The following NBAS variants were observed in gnomAD, a reference collection of about 807,000 sequenced individuals.
NBAS encodes NAG/BC035112 fusion.
Under a neutral mutation model 302.5 loss-of-function variants are expected in NBAS, and 219 were observed. That is an observed-to-expected ratio of 0.72 (90% confidence interval 0.65 to 0.81). The LOEUF is 0.81. Ranked by LOEUF, NBAS falls within the 30% of genes least tolerant of loss-of-function variation. The pLI is 0.00. For synonymous variants in NBAS, 1,118 were observed against 1,021.6 expected (o/e 1.09, Z -1.80); for missense variants, 2,932 against 2,841.6 (o/e 1.03, Z -0.72).
the NBAS span, among the ~76,000 whole-genome samples, chr2:14,923,849 G>A: frequency 6.6e-6 from 1 of 152,114 alleles, no homozygotes; most frequent in Non-Finnish European, 1.5e-5. Flanking sequence ...CTAATCAGAT[G>A]GGCATTTTTG....
chr2:14,864,130 G>A, the NBAS span, among the ~76,000 whole-genome samples: 7 of 151,824 alleles, frequency 4.6e-5, no homozygotes, highest in African/African-American at 1.2e-4. Flanking sequence ...CAGCCTGGCC[G>A]TCATGGTGAA....
At chr2:15,034,056 A>AGGAGGG in the NBAS span, among the ~76,000 whole-genome samples, 8 of 93,786 alleles carry the variant, frequency 8.5e-5, no homozygotes, top group African/African-American at 3.8e-4. Flanking sequence ...GAGGAGGAGG[A>AGGAGGG]GGAGGAGGGG....
intron 12 of NBAS, among the ~76,000 whole-genome samples, chr2:15,486,882 A>G (rs1680649959): frequency 6.6e-6 from 1 of 152,056 alleles, no homozygotes. Context: ...ATATTCCAAT[A>G]AGGGCCACAA....
the NBAS span, among the ~76,000 whole-genome samples, chr2:14,906,709 T>A: frequency 6.6e-6 from 1 of 152,184 alleles, no homozygotes; most frequent in African/African-American, 2.4e-5. Context: ...GGCCTGGCTC[T>A]CAGGGCTCAG....
intron 9 of NBAS, among the ~76,000 whole-genome samples, chr2:15,514,149 C>G (rs933433554): frequency 1.3e-5 from 2 of 151,916 alleles, no homozygotes; most frequent in African/African-American, 4.8e-5. Flanking sequence ...ATATGCTGTC[C>G]AGGATTTACT....
chr2:15,559,757 T>C (rs947080641), intron 1 of NBAS, among the ~76,000 whole-genome samples: 2 of 152,090 alleles, frequency 1.3e-5, no homozygotes, highest in African/African-American at 4.8e-5. Context: ...AACAAAGTGC[T>C]AAGGGTTTCA....
intron 12 of NBAS, among the ~76,000 whole-genome samples, chr2:15,488,685 T>G (rs1020432402): frequency 6.6e-6 from 1 of 152,062 alleles, no homozygotes; most frequent in Non-Finnish European, 1.5e-5. Flanking sequence ...GTATACAGAG[T>G]GTACCACACT....
intron 26 of NBAS, among the ~76,000 whole-genome samples, chr2:15,401,889 C>T (rs770905222): frequency 2.0e-5 from 3 of 151,930 alleles, no homozygotes; most frequent in Admixed American, 1.3e-4. Context: ...TTGTGGAGAT[C>T]GTGGTGGTAT....
the NBAS span, among the ~76,000 whole-genome samples, chr2:14,953,083 C>G: frequency 6.6e-6 from 1 of 152,180 alleles, no homozygotes; most frequent in African/African-American, 2.4e-5. Flanking sequence ...CAAACAAATG[C>G]CTGAAGGCAA....
chr2:15,071,824 C>A, the NBAS span, among the ~76,000 whole-genome samples: 2 of 151,936 alleles, frequency 1.3e-5, no homozygotes, highest in African/African-American at 4.8e-5. Flanking sequence ...GTCTCATCCT[C>A]CTGCTTCTGA....
chr2:15,480,016 C>T (rs765001380), intron 12 of NBAS, among the ~76,000 whole-genome samples: 2 of 152,222 alleles, frequency 1.3e-5, no homozygotes, highest in Non-Finnish European at 2.9e-5. Context: ...TTCCTACACA[C>T]TCCCAAAAGT....
chr2:15,125,468 G>T, the NBAS span, among the ~76,000 whole-genome samples: 2 of 152,094 alleles, frequency 1.3e-5, no homozygotes, highest in African/African-American at 4.8e-5. Context: ...TGGTACTAAA[G>T]TATTCATGAG....
the NBAS span, among the ~76,000 whole-genome samples, chr2:14,791,788 A>G: frequency 2.0e-5 from 3 of 149,498 alleles, no homozygotes; most frequent in African/African-American, 7.5e-5. Flanking sequence ...CAGGCAATAG[A>G]GGGAGACTCC....
intron 48 of NBAS, among the ~76,000 whole-genome samples, chr2:15,214,248 C>G (rs988703372): frequency 6.6e-6 from 1 of 152,140 alleles, no homozygotes. Context: ...GATCCCTCTT[C>G]TCATGGAATT....
intron 5 of NBAS, among the ~76,000 whole-genome samples, chr2:15,552,812 GA>G (rs1664445068): frequency 1.1e-5 from 1 of 88,986 alleles, no homozygotes; most frequent in South Asian, 3.7e-4. Context: ...TTTTTTTTTT[GA>G]GACAGAGTCT....
chr2:14,847,382 T>TAAAAAAAAAAAAAAAAA, the NBAS span, among the ~76,000 whole-genome samples: 1 of 53,166 alleles, frequency 1.9e-5, no homozygotes, highest in Non-Finnish European at 3.5e-5. Context: ...GACTCTATCT[T>TAAAAAAAAAAAAAAAAA]AAAAAAAAAA....
At chr2:15,036,159 T>A in the NBAS span, among the ~76,000 whole-genome samples, 640 of 152,356 alleles carry the variant, frequency 4.2e-3, 7 homozygotes, top group African/African-American at 0.013. Flanking sequence ...TTTTCTAATA[T>A]GTTGTATTTT....
the NBAS span, among the ~76,000 whole-genome samples, chr2:14,969,543 A>AT: frequency 0.07 from 10,652 of 151,820 alleles, 443 homozygotes; most frequent in East Asian, 0.099. Flanking sequence ...TACGCGGCTA[A>AT]TTTTTTTATT....
At chr2:15,552,010 T>C (rs1664407257) in intron 5 of NBAS, among the ~76,000 whole-genome samples, 1 of 152,206 alleles carries the variant, frequency 6.6e-6, no homozygotes, top group African/African-American at 2.4e-5. Context: ...CATATTTAAA[T>C]CAACAACCTA....
Sources: gnomAD v4.1 joint callset for allele counts (sites outside exome capture counted in the v4.1 genomes callset) on GRCh38, gnomAD v4.1.1 for gene constraint, MANE v1.5 for transcripts, NCBI Gene and HGNC (gene_info 2026-07-23, HGNC 2026-07-21) for gene names.